Variants in LSM12 observed in about 807,000 individuals in gnomAD.
LSM12 encodes LSM12 homolog.
For missense variants in LSM12, 108 were observed against 238.9 expected (o/e 0.45, Z 3.61); for synonymous variants, 74 against 87.3 (o/e 0.85, Z 0.85).
upstream of LSM12, chr17:44,066,811 G>C (rs1021738467): frequency 2.4e-6 from 1 of 415,116 alleles, no homozygotes; most frequent in Non-Finnish European, 3.8e-6. Context: ...TCGGTTAAGT[G>C]CTTGTAGAGT....
intron 3 of LSM12, among the ~76,000 whole-genome samples, chr17:44,039,398 G>A (rs796076638): frequency 2.6e-4 from 25 of 96,878 alleles, no homozygotes; most frequent in East Asian, 1.2e-3. Flanking sequence ...TTTTTGAGAC[G>A]GAGTCTCGCT....
chr17:44,056,824 T>C (rs1296868729), intron 2 of LSM12, among the ~76,000 whole-genome samples: 1 of 151,964 alleles, frequency 6.6e-6, no homozygotes, highest in Non-Finnish European at 1.5e-5. Flanking sequence ...AGAAACCCTC[T>C]CTACTAATAA....
chr17:44,044,699 AG>A (rs1460337698), intron 2 of LSM12, among the ~76,000 whole-genome samples: 1 of 152,142 alleles, frequency 6.6e-6, no homozygotes, highest in Non-Finnish European at 1.5e-5. Flanking sequence ...AGAAACTAGA[AG>A]TGTTTCCTTT....
chr17:44,063,588 C>G (rs2049828595), intron 2 of LSM12, among the ~76,000 whole-genome samples: 1 of 152,160 alleles, frequency 6.6e-6, no homozygotes, highest in African/African-American at 2.4e-5. Context: ...AAGCTCTCAA[C>G]TTATTTGGGA....
At chr17:44,046,258 A>C (rs1439089549) in intron 2 of LSM12, among the ~76,000 whole-genome samples, 1 of 152,090 alleles carries the variant, frequency 6.6e-6, no homozygotes, top group East Asian at 1.9e-4. Context: ...TTAAAAGTAA[A>C]AAGATTTTGC....
At chr17:44,066,321 G>T in intron 1 of LSM12, 143 bp downstream of exon 1, 1 of 1,068,818 alleles carries the variant, frequency 9.4e-7, no homozygotes, top group Non-Finnish European at 1.3e-6. Context: ...GGAGCTCAGG[G>T]CCGTGCGCAT....
At chr17:44,063,128 C>CA (rs2049821962) in intron 2 of LSM12, among the ~76,000 whole-genome samples, 1 of 151,912 alleles carries the variant, frequency 6.6e-6, no homozygotes, top group Non-Finnish European at 1.5e-5. Context: ...GGCATGGTGA[C>CA]GCATGCATGT....
chr17:44,040,031 C>T, intron 3 of LSM12, 116 bp downstream of exon 3: 1 of 689,792 alleles, frequency 1.4e-6, no homozygotes. Flanking sequence ...TTGCCAATAC[C>T]CTACCCAGCT....
intron 2 of LSM12, among the ~76,000 whole-genome samples, chr17:44,048,187 A>C (rs988869336): frequency 1.3e-5 from 2 of 152,116 alleles, no homozygotes; most frequent in Non-Finnish European, 2.9e-5. Flanking sequence ...AAAACATAGA[A>C]AAATTTTTTC....
intron 4 of LSM12, 105 bp from the exon 5 acceptor site, chr17:44,036,405 A>C (rs1411486102): frequency 1.2e-5 from 18 of 1,445,536 alleles, no homozygotes; most frequent in Non-Finnish European, 1.6e-5. Flanking sequence ...TGTCCAGCCC[A>C]TTGGTGTCCA....
At chr17:44,065,676 A>G (rs2049863607) in intron 1 of LSM12, among the ~76,000 whole-genome samples, 1 of 152,156 alleles carries the variant, frequency 6.6e-6, no homozygotes, top group Non-Finnish European at 1.5e-5. Context: ...GGAGGCTGCT[A>G]CTACGTAAAA....
intron 2 of LSM12, among the ~76,000 whole-genome samples, chr17:44,058,617 G>A (rs914130431): frequency 1.3e-5 from 2 of 152,166 alleles, no homozygotes; most frequent in Non-Finnish European, 2.9e-5. Flanking sequence ...TGGATCATGA[G>A]GTCAGGAGTT....
intron 2 of LSM12, among the ~76,000 whole-genome samples, chr17:44,041,583 G>A (rs531174468): frequency 2.5e-4 from 38 of 152,274 alleles, no homozygotes; most frequent in Middle Eastern, 3.4e-3. Flanking sequence ...TGAGAAAAAC[G>A]AAGAGTCTGA....
At chr17:44,066,205 T>G (rs2049872952) in intron 1 of LSM12, among the ~76,000 whole-genome samples, 1 of 139,822 alleles carries the variant, frequency 7.2e-6, no homozygotes, top group African/African-American at 2.7e-5. Context: ...GCCATCCCCG[T>G]GTCAAGCCCT....
chr17:44,046,594 C>G (rs1168137418), intron 2 of LSM12, among the ~76,000 whole-genome samples: 1 of 149,298 alleles, frequency 6.7e-6, no homozygotes, highest in Non-Finnish European at 1.5e-5. Context: ...GTAGTCCTAG[C>G]TACTCGGGAG....
intron 2 of LSM12, among the ~76,000 whole-genome samples, chr17:44,041,273 TAAAAAA>T (rs11302122): frequency 1.8e-5 from 2 of 110,276 alleles, no homozygotes; most frequent in Non-Finnish European, 3.7e-5. Context: ...TCTGTCTCTT[TAAAAAA>T]AAAAAAAACA....
At chr17:44,038,445 T>A (rs2049444470) in intron 3 of LSM12, among the ~76,000 whole-genome samples, 1 of 150,660 alleles carries the variant, frequency 6.6e-6, no homozygotes, top group African/African-American at 2.4e-5. Flanking sequence ...GATCATGAGG[T>A]CAGGAGATCG....
intron 2 of LSM12, among the ~76,000 whole-genome samples, chr17:44,063,033 C>T (rs956610583): frequency 1.3e-4 from 20 of 151,948 alleles, no homozygotes; most frequent in Admixed American, 1.0e-3. Flanking sequence ...CGCGTCACTG[C>T]ACTCCAGCCT....
intron 3 of LSM12, among the ~76,000 whole-genome samples, chr17:44,038,966 T>TG (rs1234810675): frequency 2.7e-5 from 4 of 147,346 alleles, no homozygotes; most frequent in Admixed American, 6.7e-5. Flanking sequence ...CAGTGTGGGG[T>TG]GGGGGGAGGC....
Sources: gnomAD v4.1 joint callset for allele counts (sites outside exome capture counted in the v4.1 genomes callset) on GRCh38, gnomAD v4.1.1 for gene constraint, MANE v1.5 for transcripts, NCBI Gene and HGNC (gene_info 2026-07-23, HGNC 2026-07-21) for gene names.